TIMD4: variants seen among roughly 807,000 people sequenced by gnomAD.
TIMD4 encodes T-cell immunoglobulin and mucin domain-containing protein 4.
Under a neutral mutation model 41.2 loss-of-function variants are expected in TIMD4, and 31 were observed. The ratio of observed to expected loss-of-function variants is 0.75; its 90% CI spans 0.57 to 1.01. The LOEUF (loss-of-function observed/expected upper bound fraction) is 1.01, where lower values mean the gene tolerates loss of function less well. TIMD4 is among the 50% of genes least tolerant of loss of function. The pLI, the probability that TIMD4 is intolerant of heterozygous loss-of-function variation, is 0.00. For synonymous variants in TIMD4, 204 were observed against 177.1 expected (o/e 1.15, Z -1.21); for missense variants, 479 against 472.5 (o/e 1.01, Z -0.13).
At chr5:156,938,777 C>T (rs1428495952) in intron 5 of TIMD4, among the ~76,000 whole-genome samples, 1 of 152,188 alleles carries the variant, frequency 6.6e-6, no homozygotes, top group Non-Finnish European at 1.5e-5. Context: ...ATGGAGTCCG[C>T]CCACAGAGCT....
rs1676098975 is a variant in TIMD4 at position 156,922,205 on chromosome 5, T to C, written c.906A>G (p.Ile302Met). The change falls in exon 7 of 9, where the codon ATA becomes ATG. Residue 302 changes from isoleucine to methionine, a missense_variant. Physicochemically the swap from Ile to Met is conservative, Grantham distance 10. Coordinates refer to ENST00000274532, the MANE Select transcript of TIMD4 (RefSeq NM_138379.3). ...GCATTTCATTCTTCATTGACATGGG[T>C]ATTCCATCCATCTGATGGGACACAG... Reference protein sequence around the residue: ...KTTKTGQMDGIPMSMKNEMPI... With the variant: ...KTTKTGQMDGMPMSMKNEMPI... The C allele has an allele frequency of 6.2e-7, 1 of 1,613,552 alleles. No individual in the cohort carries two copies. The highest frequency in any genetic ancestry group is 8.5e-7 in the Non-Finnish European group (1 of 1,179,606).
rs189120497 is a variant in TIMD4 at position 156,930,018 on chromosome 5, T to C, written c.845-3706A>G. On this transcript the variant is annotated intron_variant, in intron 5 of 8. Transcript: ENST00000274532. ...CAGAGTCTCGCTCGGTCACCCAGGC[T>C]GCAGTGCAGTGGCACGATCTTGGCT... Among the ~76,000 whole-genome samples the C allele has an allele frequency of 4.0e-3, 603 of 152,352 alleles. 7 individuals are homozygous for C. Among genetic ancestry groups the C allele is most frequent in the African/African-American group, 0.013 (532 of 41,578 alleles).
chr5:156,923,310 G>T (rs1426640745), intron 6 of TIMD4, among the ~76,000 whole-genome samples: 1 of 151,798 alleles, frequency 6.6e-6, no homozygotes, highest in African/African-American at 2.4e-5. Flanking sequence ...ATCCAAGCCC[G>T]GCTAATTTTT....
chr5:156,940,006 T>G (rs1041409402), intron 5 of TIMD4, among the ~76,000 whole-genome samples: 1 of 152,230 alleles, frequency 6.6e-6, no homozygotes, highest in African/African-American at 2.4e-5. Flanking sequence ...CTCCCTCTGT[T>G]GCCGAGGCTG....
At chr5:156,925,119 G>T (rs1759322919) in intron 6 of TIMD4, among the ~76,000 whole-genome samples, 1 of 152,166 alleles carries the variant, frequency 6.6e-6, no homozygotes, top group African/African-American at 2.4e-5. Flanking sequence ...GACCAGCCTG[G>T]CCAACATAAT....
intron 5 of TIMD4, among the ~76,000 whole-genome samples, chr5:156,927,072 T>A (rs1374147372): frequency 1.3e-5 from 2 of 152,170 alleles, no homozygotes; most frequent in Admixed American, 6.5e-5. Context: ...GATTTCAGCC[T>A]AACAGGCCAA....
intron 5 of TIMD4, among the ~76,000 whole-genome samples, chr5:156,943,688 C>G (rs1370549466): frequency 6.6e-6 from 1 of 152,002 alleles, no homozygotes; most frequent in Non-Finnish European, 1.5e-5. Flanking sequence ...GAGTCCCTAC[C>G]CAGTAGAGAG....
chr5:156,943,208 G>A (rs571384328), intron 5 of TIMD4, among the ~76,000 whole-genome samples: 1 of 152,276 alleles, frequency 6.6e-6, no homozygotes, highest in East Asian at 1.9e-4. Context: ...TGGAATAGCA[G>A]CAGAGATGTA....
At chr5:156,926,342 T>C in intron 5 of TIMD4, 30 bp from the exon 6 acceptor site, 1 of 1,611,772 alleles carries the variant, frequency 6.2e-7, no homozygotes, top group Non-Finnish European at 8.5e-7. Flanking sequence ...AAAATGGTTA[T>C]ATGTCTGGTT....
chr5:156,949,417 T>C (rs965274524), intron 4 of TIMD4, among the ~76,000 whole-genome samples: 3 of 107,088 alleles, frequency 2.8e-5, no homozygotes, highest in Non-Finnish European at 3.7e-5. Context: ...TTTCCCTACC[T>C]CCCTCCTCCT....
At chr5:156,941,328 T>TA (rs1330671709) in intron 5 of TIMD4, among the ~76,000 whole-genome samples, 2 of 151,940 alleles carry the variant, frequency 1.3e-5, no homozygotes, top group Non-Finnish European at 2.9e-5. Flanking sequence ...TAAAAAAAAT[T>TA]AAAAAAATGA....
At chr5:156,962,950 C>A (rs1753100020) in intron 1 of TIMD4, among the ~76,000 whole-genome samples, 191 bp downstream of exon 1, 2 of 152,156 alleles carry the variant, frequency 1.3e-5, no homozygotes, top group African/African-American at 4.8e-5. Flanking sequence ...CCAGACCAGT[C>A]TCTGGATAAA....
intron 5 of TIMD4, among the ~76,000 whole-genome samples, chr5:156,940,910 T>C (rs924007638): frequency 6.6e-6 from 1 of 152,220 alleles, no homozygotes; most frequent in Non-Finnish European, 1.5e-5. Context: ...AGAGATCAGA[T>C]TGTTACTGTG....
Position 156,919,505 on chromosome 5 carries a change from A to G in TIMD4, c.1089T>C (p.Asn363=), listed in dbSNP as rs1759196752. The G allele has an allele frequency of 6.2e-7, 1 of 1,613,948 alleles. No individual in the cohort carries two copies. Among genetic ancestry groups the G allele is most frequent in the African/African-American group, 1.3e-5 (1 of 74,920 alleles). The change falls in exon 9 of 9, where the codon AAT becomes AAC. Residue 363 remains asparagine (N), a synonymous_variant. Coordinates refer to ENST00000274532, the MANE Select transcript of TIMD4 (RefSeq NM_138379.3). The stretch of plus-strand genomic sequence containing the variant: ...CGTCTTCCCTTCCATGCTGCACGTC[A>G]TTGAGGACATTTTTACTATCTCCAA... ...DYIGDSKNVL[N]DVQHGREDED...
intron 5 of TIMD4, among the ~76,000 whole-genome samples, chr5:156,928,757 T>C (rs576814024): frequency 6.6e-6 from 1 of 152,322 alleles, no homozygotes; most frequent in African/African-American, 2.4e-5. Flanking sequence ...CAGCATGTTT[T>C]CATATCCTAG....
At chr5:156,960,675 A>T (rs754418062) in intron 1 of TIMD4, among the ~76,000 whole-genome samples, 6 of 152,162 alleles carry the variant, frequency 3.9e-5, no homozygotes, top group Non-Finnish European at 5.9e-5. Flanking sequence ...CCAAAATGCC[A>T]GGATTATAGG....
In TIMD4 at chr5:156,950,357, C is replaced by T. The variant is rs150716792; in HGVS notation, c.680-626G>A. Among the ~76,000 whole-genome samples the T allele has an allele frequency of 3.0e-4, 46 of 152,090 alleles. No homozygotes were observed. The East Asian group carries it at 8.3e-3, about 27-fold the overall frequency. Reference sequence around the variant, plus strand: ...TTTTAGAATCAAGGAATAGAAACTACAAATGTTGTGTTTTATGGTAGTTAT... The same window carrying T: ...TTTTAGAATCAAGGAATAGAAACTATAAATGTTGTGTTTTATGGTAGTTAT... On this transcript the variant is annotated intron_variant, in intron 3 of 8. Transcript: ENST00000274532.
chr5:156,922,152 G>T lies in TIMD4; in HGVS notation c.959C>A (p.Ala320Asp). ...GAAGAGCACAAATCCCAAGGAGGGGGCGATGATCATCAGTAGTTGGGAGAT... is the reference window on the plus strand; with the variant it reads ...GAAGAGCACAAATCCCAAGGAGGGGTCGATGATCATCAGTAGTTGGGAGAT... ...MPISQLLMII[A>D]PSLGFVLFAL... The change falls in exon 7 of 9, where the codon GCC becomes GAC. Residue 320 changes from alanine (A) to aspartate (D), a missense_variant. Transcript: ENST00000274532. 6.2e-7 allele frequency: 1 copy of T among 1,614,000 alleles called. No homozygotes were observed.
intron 6 of TIMD4, 129 bp downstream of exon 6, chr5:156,926,134 C>A (rs539143117): frequency 2.4e-6 from 2 of 849,810 alleles, no homozygotes; most frequent in Non-Finnish European, 3.6e-6. Flanking sequence ...AAATTTCTGG[C>A]ATCAAGTGAT....
Sources: allele counts gnomAD v4.1 joint callset (sites outside exome capture counted in the v4.1 genomes callset), GRCh38; gene constraint gnomAD v4.1.1; transcripts MANE v1.5; gene names NCBI Gene and HGNC (gene_info 2026-07-23, HGNC 2026-07-21).